The following PTPN13 variants were observed in gnomAD, a reference collection of about 807,000 sequenced individuals.
The protein encoded by PTPN13 is protein tyrosine phosphatase non-receptor type 13, also known as tyrosine-protein phosphatase non-receptor type 13.
A neutral mutation model predicts 284.0 loss-of-function variants in PTPN13; 191 were observed. That is an observed-to-expected ratio of 0.67 (90% CI 0.60 to 0.76). The LOEUF (loss-of-function observed/expected upper bound fraction) is 0.76. Among genes scored for constraint, PTPN13 ranks in the 30% least tolerant of loss-of-function variants. The pLI is 0.00. For missense variants in PTPN13, 2,797 were observed against 2,939.9 expected (o/e 0.95, Z 1.12); for synonymous variants, 986 against 1,022.3 (o/e 0.96, Z 0.68).
chr4:86,782,149 C>G (rs543927163), intron 36 of PTPN13, 52 bp from the exon 37 acceptor site: 1 of 1,276,520 alleles, frequency 7.8e-7, no homozygotes, highest in Admixed American at 1.8e-5. Context: ...TTTGATGTCC[C>G]TCTTGTGGTT....
chr4:86,597,036 C>G (rs76264472), intron 1 of PTPN13, among the ~76,000 whole-genome samples: 24,752 of 151,972 alleles, frequency 0.16, 2,389 homozygotes, highest in East Asian at 0.3. Context: ...TCTGATGCAA[C>G]CAAGTACGAC....
intron 7 of PTPN13, among the ~76,000 whole-genome samples, chr4:86,704,273 A>G (rs2149021381): frequency 6.6e-6 from 1 of 152,320 alleles, no homozygotes; most frequent in South Asian, 2.1e-4. Flanking sequence ...AATTAGTAGT[A>G]ATGTGAATTA....
In PTPN13 at chr4:86,765,438, A is replaced by G; in HGVS notation, c.4193A>G (p.Lys1398Arg). 6.2e-7 allele frequency: 1 copy of G among 1,603,262 alleles called. No homozygotes were observed. The highest frequency in any genetic ancestry group is 1.1e-5 in the South Asian group (1 of 88,720). The change falls in exon 26 of 48, where the codon AAA (lysine) becomes AGA (arginine). Residue 1398 changes from lysine to arginine, a missense_variant. Lys to Arg is a conservative substitution (Grantham distance 26, BLOSUM62 2). Transcript: ENST00000411767. ...GTCAGACATGGTGGCATTTATGTGA[A>G]AGCTGTTATTCCCCAGGGAGCAGCA... ...TSVRHGGIYV[K>R]AVIPQGAAES... is the part of the protein sequence containing the mutation.
intron 2 of PTPN13, among the ~76,000 whole-genome samples, chr4:86,671,559 A>G (rs1239112417): frequency 6.6e-6 from 1 of 152,146 alleles, no homozygotes; most frequent in Non-Finnish European, 1.5e-5. Flanking sequence ...GTGGAGGCCT[A>G]CTGGTGTCTA....
At chr4:86,683,690 C>G (rs905362463) in intron 3 of PTPN13, among the ~76,000 whole-genome samples, 2 of 152,064 alleles carry the variant, frequency 1.3e-5, no homozygotes, top group Non-Finnish European at 2.9e-5. Context: ...TATAGGTGAT[C>G]AGCAAATGTA....
At chr4:86,718,181 G>A (rs1217413690) in intron 9 of PTPN13, among the ~76,000 whole-genome samples, 1 of 152,062 alleles carries the variant, frequency 6.6e-6, no homozygotes, top group African/African-American at 2.4e-5. Context: ...GAGAACAAGA[G>A]GTTGCTTGAG....
chr4:86,662,411 A>T (rs1325880521), intron 2 of PTPN13, among the ~76,000 whole-genome samples: 1 of 152,042 alleles, frequency 6.6e-6, no homozygotes, highest in Non-Finnish European at 1.5e-5. Flanking sequence ...GGCTCACTGT[A>T]ACCCCCGCCT....
intron 30 of PTPN13, among the ~76,000 whole-genome samples, chr4:86,770,487 C>G (rs557508029): frequency 1.3e-5 from 2 of 152,170 alleles, no homozygotes; most frequent in Non-Finnish European, 2.9e-5. Flanking sequence ...AGGTCACAAA[C>G]TGTTATTCCT....
At chr4:86,701,090 A>T (rs1023024189) in intron 6 of PTPN13, 151 bp from the exon 7 acceptor site, 4 of 584,656 alleles carry the variant, frequency 6.8e-6, no homozygotes, top group African/African-American at 5.6e-5. Context: ...TTCCTCTTCC[A>T]CTATGACCAT....
chr4:86,728,410 G>A (rs1007923865), intron 10 of PTPN13, among the ~76,000 whole-genome samples: 4 of 148,628 alleles, frequency 2.7e-5, no homozygotes, highest in Admixed American at 6.8e-5. Context: ...TACTGACAAT[G>A]GAGTGTTAAA....
chr4:86,726,295 T>A (rs1219061443), intron 10 of PTPN13, among the ~76,000 whole-genome samples: 2 of 149,476 alleles, frequency 1.3e-5, no homozygotes, highest in South Asian at 2.1e-4. Context: ...TTGTCTTGGC[T>A]ATGTGGGCTC....
At chr4:86,663,686 C>G (rs1726765937) in intron 2 of PTPN13, among the ~76,000 whole-genome samples, 1 of 152,122 alleles carries the variant, frequency 6.6e-6, no homozygotes, top group Non-Finnish European at 1.5e-5. Flanking sequence ...AATTGGTGCT[C>G]TTTAATCAGC....
At chr4:86,716,967 A>C (rs1027145348) in intron 8 of PTPN13, 57 bp from the exon 9 acceptor site, 1 of 1,228,822 alleles carries the variant, frequency 8.1e-7, no homozygotes, top group Non-Finnish European at 1.2e-6. Context: ...GTTTTAAATG[A>C]AATTACTCTC....
In PTPN13 at chr4:86,772,292, G is replaced by A. The variant is rs865810974; in HGVS notation, c.5169-486G>A. On this transcript the variant is annotated intron_variant, in intron 31 of 47. Coordinates refer to ENST00000411767, the MANE Select transcript of PTPN13 (RefSeq NM_080683.3). The stretch of plus-strand genomic sequence containing the variant: ...AACCTAGGCCGGCGCGATGGCTCAC[G>A]TCTGTAATCCCAGCATTTTGGGAGG... Among the ~76,000 whole-genome samples, 11 of 152,248 alleles carry A rather than the reference G, an allele frequency of 7.2e-5. No homozygotes were observed. The South Asian group carries it at 1.0e-3, about 14-fold the overall frequency.
At chr4:86,782,926 A>G (rs1741486831) in intron 37 of PTPN13, among the ~76,000 whole-genome samples, 1 of 152,132 alleles carries the variant, frequency 6.6e-6, no homozygotes, top group Admixed American at 6.5e-5. Flanking sequence ...TGTAATATAC[A>G]TTTCTACAGT....
At chr4:86,649,982 C>CTGTTTTGTTT (rs569836224) in intron 2 of PTPN13, among the ~76,000 whole-genome samples, 4 of 152,026 alleles carry the variant, frequency 2.6e-5, no homozygotes, top group Non-Finnish European at 5.9e-5. Context: ...ATTTTCATCA[C>CTGTTTTGTTT]TGTTTTGTTT....
At chr4:86,720,822 A>G (rs993765155) in intron 9 of PTPN13, among the ~76,000 whole-genome samples, 3 of 152,170 alleles carry the variant, frequency 2.0e-5, no homozygotes, top group Non-Finnish European at 2.9e-5. Context: ...GATTTGTACC[A>G]TAGTGGGATG....
At chr4:86,690,628 A>G (rs927791820) in intron 5 of PTPN13, among the ~76,000 whole-genome samples, 3 of 152,174 alleles carry the variant, frequency 2.0e-5, no homozygotes, top group African/African-American at 7.2e-5. Flanking sequence ...CCTATTAGAC[A>G]GTCCAGGGAC....
At chr4:86,606,517 G>T (rs1764753318) in intron 1 of PTPN13, among the ~76,000 whole-genome samples, 1 of 151,756 alleles carries the variant, frequency 6.6e-6, no homozygotes, top group African/African-American at 2.4e-5. Flanking sequence ...AGAAATGAAT[G>T]AATGAAATAA....
Sources: gnomAD v4.1 joint callset for allele counts (sites outside exome capture counted in the v4.1 genomes callset) on GRCh38, gnomAD v4.1.1 for gene constraint, MANE v1.5 for transcripts, NCBI Gene and HGNC (gene_info 2026-07-23, HGNC 2026-07-21) for gene names.